The following MPDZ variants were observed in gnomAD, a reference collection of about 807,000 sequenced individuals.
MPDZ encodes multiple PDZ domain protein.
Under a neutral mutation model 239.1 loss-of-function variants are expected in MPDZ, and 234 were observed. That is an observed-to-expected ratio of 0.98 (90% CI 0.88 to 1.09). MPDZ has a LOEUF of 1.09. Among genes scored for constraint, MPDZ ranks in the 50% least tolerant of loss-of-function variants. The probability of loss-of-function intolerance (pLI) is 0.00; values close to 1 mark genes in which losing one functional copy is unlikely to be tolerated. For missense variants in MPDZ, 3,175 were observed against 2,510.0 expected, an observed-to-expected ratio of 1.26 and a Z score of -5.66; for synonymous variants, 1,048 against 881.3, an observed-to-expected ratio of 1.19 and a Z score of -3.35.
rs765531105 is a variant in MPDZ, at chr9:13,247,677, C to A, written c.141G>T (p.Gln47His). ...GTACAGAAGTCTGAAGGCTCAGAAT[C>A]TGACTGAAGAGAGGGCTCTGCAGGA... Reference protein sequence around the residue: ...KSVLQSPLFSQILSLQTSVQQ... With the variant: ...KSVLQSPLFSHILSLQTSVQQ... The change falls in exon 3 of 47, where the codon CAG becomes CAT. Residue 47 changes from glutamine (Q) to histidine (H), a missense_variant. Coordinates refer to ENST00000319217, the MANE Select transcript of MPDZ (RefSeq NM_001378778.1). 1.5e-5 allele frequency: 25 copies of A among 1,613,412 alleles called. No homozygotes were observed. In the Admixed American group the frequency reaches 4.2e-4, roughly 27 times the overall value.
In MPDZ at chr9:13,193,023, C is replaced by T. The variant is rs1955157062; in HGVS notation, c.1803+144G>A. 5.9e-6 allele frequency: 4 copies of T among 683,142 alleles called. No individual in the cohort carries two copies. The South Asian group carries it at 2.6e-4, about 45-fold the overall frequency. The allele number at this position is 683,142 out of a possible 1,614,324, so 42.3% of individuals were successfully genotyped here. A position where few individuals can be genotyped will look rare whatever the true frequency, so the allele number is the denominator to read the frequency against. ...CAGATACACAGATACAAAATTTCTG[C>T]TTTGGGTTGTTTTTATCTGTAGATT... On this transcript the variant is annotated intron_variant, in intron 14 of 46. Transcript: ENST00000319217.
intron 10 of MPDZ, among the ~76,000 whole-genome samples, 168 bp from the exon 11 acceptor site, chr9:13,206,267 G>C (rs1171076129): frequency 6.6e-6 from 1 of 152,046 alleles, no homozygotes; most frequent in Non-Finnish European, 1.5e-5. Context: ...TTGGAAACCA[G>C]TATTAACAGG....
intron 1 of MPDZ, among the ~76,000 whole-genome samples, chr9:13,262,038 C>G (rs960116975): frequency 6.6e-6 from 1 of 151,682 alleles, no homozygotes; most frequent in African/African-American, 2.4e-5. Context: ...GAACAAGACC[C>G]TGTTCCTAGA....
intron 25 of MPDZ, among the ~76,000 whole-genome samples, chr9:13,149,633 T>A (rs1484957125): frequency 3.3e-5 from 5 of 152,062 alleles, no homozygotes; most frequent in Admixed American, 3.3e-4. Flanking sequence ...AGTGCCTTGT[T>A]TACTGTGGGA....
At chr9:13,205,869 G>C (rs73408208) in intron 11 of MPDZ, 47 bp downstream of exon 11, 3 of 1,444,156 alleles carry the variant, frequency 2.1e-6, no homozygotes, top group African/African-American at 2.9e-5. Flanking sequence ...AAAAAAATTG[G>C]AGACAATATA....
At chr9:13,181,752 A>G (rs1328172104) in intron 19 of MPDZ, among the ~76,000 whole-genome samples, 1 of 152,176 alleles carries the variant, frequency 6.6e-6, no homozygotes, top group Non-Finnish European at 1.5e-5. Flanking sequence ...GCTTCTCAGT[A>G]TGCAGATTGT....
intron 1 of MPDZ, among the ~76,000 whole-genome samples, chr9:13,275,765 TC>T (rs1974034467): frequency 6.6e-6 from 1 of 152,178 alleles, no homozygotes; most frequent in Non-Finnish European, 1.5e-5. Flanking sequence ...CATTAATTGC[TC>T]TTCCCTATCC....
At chr9:13,244,148 C>G (rs1966050726) in intron 3 of MPDZ, among the ~76,000 whole-genome samples, 1 of 152,180 alleles carries the variant, frequency 6.6e-6, no homozygotes, top group East Asian at 1.9e-4. Context: ...TTTAGTGCCA[C>G]TGGTCAATTC....
At chr9:13,135,731 A>T (rs1225250231) in intron 31 of MPDZ, 1 of 160,054 alleles carries the variant, frequency 6.2e-6, no homozygotes, top group Non-Finnish European at 1.4e-5. Flanking sequence ...CAAAGTCTCC[A>T]TGCCATTCCT....
chr9:13,221,924 T>A (rs1959158081), intron 6 of MPDZ, among the ~76,000 whole-genome samples: 1 of 152,124 alleles, frequency 6.6e-6, no homozygotes, highest in South Asian at 2.1e-4. Flanking sequence ...TATAATTGTA[T>A]AATTTTTAAA....
intron 14 of MPDZ, 61 bp from the exon 15 acceptor site, chr9:13,192,356 C>T: frequency 7.0e-7 from 1 of 1,422,076 alleles, no homozygotes; most frequent in Non-Finnish European, 9.6e-7. Context: ...TTCTTTTGAA[C>T]ACAATTTTTT....
chr9:13,237,992 T>A (rs987259503), intron 3 of MPDZ, among the ~76,000 whole-genome samples: 2 of 152,188 alleles, frequency 1.3e-5, no homozygotes, highest in Non-Finnish European at 1.5e-5. Context: ...GAAATACTTA[T>A]TGATTTGGTT....
At chr9:13,125,486 T>C (rs1204179230) in intron 34 of MPDZ, 96 bp from the exon 35 acceptor site, 3 of 1,165,964 alleles carry the variant, frequency 2.6e-6, no homozygotes, top group Non-Finnish European at 3.7e-6. Flanking sequence ...TAATTCTCTC[T>C]ATGGTTAAGG....
Position 13,140,024 on chromosome 9 carries a change from T to C in MPDZ, c.3966A>G (p.Gln1322=). ...HTQSSASKIS[Q]DVDKEDEFGY... is the part of the protein sequence containing the mutation. ...CAAACTCATCCTCTTTGTCCACATC[T>C]TGTGAGATTTTGCTTGCAGATGACT... The change falls in exon 28 of 47, where the codon CAA becomes CAG. Residue 1322 remains glutamine, a synonymous_variant. Transcript: ENST00000319217. 1 of 1,613,496 alleles carries C rather than the reference T, an allele frequency of 6.2e-7. No homozygotes were observed. The highest frequency in any genetic ancestry group is 1.3e-5 in the African/African-American group (1 of 74,952).
chr9:13,196,302 G>A, intron 12 of MPDZ, 72 bp from the exon 13 acceptor site: 1 of 1,066,778 alleles, frequency 9.4e-7, no homozygotes, highest in Non-Finnish European at 1.4e-6. Context: ...CTGTACCAAG[G>A]ATTCTCTGAT....
chr9:13,219,515 T>C (rs372771092), intron 8 of MPDZ, 44 bp downstream of exon 8: 4 of 1,540,636 alleles, frequency 2.6e-6, no homozygotes, highest in East Asian at 4.6e-5. Context: ...GTCATCTAAG[T>C]GTTATTTCTC....
chr9:13,107,210 G>A (rs1316776149), intron 46 of MPDZ, 99 bp from the exon 47 acceptor site: 1 of 1,270,096 alleles, frequency 7.9e-7, no homozygotes, highest in African/African-American at 1.5e-5. Flanking sequence ...TGCTCTGCTT[G>A]TACACACACA....
At chr9:13,161,685 A>G (rs1037763319) in intron 23 of MPDZ, among the ~76,000 whole-genome samples, 2 of 152,172 alleles carry the variant, frequency 1.3e-5, no homozygotes, top group Admixed American at 1.3e-4. Flanking sequence ...TGCCAGCACA[A>G]CTGAAAAACA....
At chr9:13,188,757 G>A (rs766018499) in intron 17 of MPDZ, 27 bp downstream of exon 17, 4 of 1,592,210 alleles carry the variant, frequency 2.5e-6, no homozygotes, top group Non-Finnish European at 8.6e-7. Context: ...TAAATATAAA[G>A]GGAAGCAATA....
Sources: gnomAD v4.1 joint callset for allele counts (sites outside exome capture counted in the v4.1 genomes callset) on GRCh38, gnomAD v4.1.1 for gene constraint, MANE v1.5 for transcripts, NCBI Gene and HGNC (gene_info 2026-07-23, HGNC 2026-07-21) for gene names.